The following AKAP6 variants were observed in gnomAD, a reference collection of about 807,000 sequenced individuals.
The protein encoded by AKAP6 is A-kinase anchor protein 6.
A neutral mutation model predicts 188.5 loss-of-function variants in AKAP6; 58 were observed. The observed-to-expected ratio is 0.31, with a 90% CI of 0.25 to 0.38. AKAP6 has a LOEUF of 0.38. Among genes scored for constraint, AKAP6 ranks in the 10% least tolerant of loss-of-function variants. The pLI is 1.00. For synonymous variants in AKAP6, 989 were observed against 998.6 expected (o/e 0.99, Z 0.18); for missense variants, 2,710 against 2,740.0 (o/e 0.99, Z 0.24).
intron 2 of AKAP6, among the ~76,000 whole-genome samples, chr14:32,452,332 C>A (rs1202183996): frequency 6.6e-6 from 1 of 152,148 alleles, no homozygotes; most frequent in East Asian, 1.9e-4. Flanking sequence ...CCATGCCCAG[C>A]CTATGCTATA....
At chr14:32,432,885 G>A (rs1207630827) in intron 1 of AKAP6, among the ~76,000 whole-genome samples, 2 of 152,138 alleles carry the variant, frequency 1.3e-5, no homozygotes, top group East Asian at 3.9e-4. Flanking sequence ...GTATCAAGTG[G>A]AACCCGTGTT....
chr14:32,567,274 G>A (rs1884236714), intron 4 of AKAP6, among the ~76,000 whole-genome samples: 2 of 152,174 alleles, frequency 1.3e-5, no homozygotes, highest in Non-Finnish European at 2.9e-5. Context: ...AGGGAGCTTT[G>A]AACTAGATTA....
At chr14:32,556,389 C>G (rs941213809) in intron 4 of AKAP6, among the ~76,000 whole-genome samples, 1 of 152,128 alleles carries the variant, frequency 6.6e-6, no homozygotes, top group South Asian at 2.1e-4. Flanking sequence ...GTCACCTAGC[C>G]TGGAGTGCAG....
At chr14:32,600,549 C>A in intron 6 of AKAP6, 80 bp from the exon 7 acceptor site, 3 of 1,346,406 alleles carry the variant, frequency 2.2e-6, no homozygotes, top group Non-Finnish European at 3.0e-6. Context: ...TTAAAATAGC[C>A]ATCTAATTTA....
intron 11 of AKAP6, among the ~76,000 whole-genome samples, chr14:32,751,646 A>C (rs958387954): frequency 1.3e-5 from 2 of 151,110 alleles, no homozygotes; most frequent in Admixed American, 1.3e-4. Flanking sequence ...TGCTCTGCGC[A>C]TATTGAATCT....
intron 10 of AKAP6, 47 bp downstream of exon 10, chr14:32,732,647 G>A: frequency 6.3e-7 from 1 of 1,593,514 alleles, no homozygotes; most frequent in Non-Finnish European, 8.6e-7. Context: ...TACATTTTTT[G>A]CGTAGTGAAG....
intron 9 of AKAP6, among the ~76,000 whole-genome samples, chr14:32,728,874 T>G (rs1039010211): frequency 1.3e-5 from 2 of 152,160 alleles, no homozygotes; most frequent in Non-Finnish European, 2.9e-5. Context: ...CCAGGGAGCT[T>G]TGGGGGCAAG....
intron 1 of AKAP6, among the ~76,000 whole-genome samples, chr14:32,403,998 T>A (rs1299769868): frequency 1.3e-5 from 2 of 152,216 alleles, no homozygotes; most frequent in Non-Finnish European, 2.9e-5. Flanking sequence ...CATTTTGAAA[T>A]CAAGTTCTCA....
chr14:32,554,032 C>T (rs768800508), intron 4 of AKAP6, among the ~76,000 whole-genome samples: 10 of 152,192 alleles, frequency 6.6e-5, no homozygotes, highest in Non-Finnish European at 1.5e-4. Flanking sequence ...ATATCTGGAA[C>T]AGATGAAATC....
At chr14:32,571,495 A>G (rs1229062510) in intron 4 of AKAP6, among the ~76,000 whole-genome samples, 8 of 152,188 alleles carry the variant, frequency 5.3e-5, no homozygotes, top group Admixed American at 3.9e-4. Flanking sequence ...ATGCCGCTGC[A>G]CTCTAGCCTT....
intron 12 of AKAP6, among the ~76,000 whole-genome samples, chr14:32,808,827 G>T (rs560376952): frequency 6.6e-6 from 1 of 152,138 alleles, no homozygotes; most frequent in Non-Finnish European, 1.5e-5. Context: ...TTGGTGTGCA[G>T]TAATATGTAA....
intron 11 of AKAP6, among the ~76,000 whole-genome samples, chr14:32,749,723 A>G (rs2032053003): frequency 6.6e-6 from 1 of 152,232 alleles, no homozygotes; most frequent in Admixed American, 6.5e-5. Flanking sequence ...AAATGTACAG[A>G]TCTATAAGAT....
chr14:32,723,872 G>T (rs2030700858), intron 9 of AKAP6, among the ~76,000 whole-genome samples: 1 of 152,170 alleles, frequency 6.6e-6, no homozygotes, highest in Non-Finnish European at 1.5e-5. Context: ...ATTTATCCTT[G>T]CCCTACTCAA....
rs1317397698 is a variant in AKAP6 at position 32,834,698 on chromosome 14, G to A, written c.*4893G>A. ...GTTGTTTTCTCATTGTTAAACTCAG[G>A]GTAAACTTTTTTTTGTCAAGTAAAT... On this transcript the variant is annotated 3_prime_UTR_variant, in exon 14 of 14. Coordinates refer to ENST00000280979, the MANE Select transcript of AKAP6 (RefSeq NM_004274.5). 2 of 151,718 alleles carry A rather than the reference G, an allele frequency of 1.3e-5. No homozygotes were observed. The highest frequency in any genetic ancestry group is 3.9e-4 in the East Asian group (2 of 5,176). 9.4% of individuals were successfully genotyped at this position (151,718 alleles called of 1,614,324 possible).
chr14:32,415,605 G>T (rs914835995), intron 1 of AKAP6, among the ~76,000 whole-genome samples: 1 of 151,968 alleles, frequency 6.6e-6, no homozygotes, highest in African/African-American at 2.4e-5. Context: ...TCATCGTATC[G>T]TGCAGCCATC....
chr14:32,657,814 A>G (rs1205355816), intron 7 of AKAP6, among the ~76,000 whole-genome samples: 1 of 147,222 alleles, frequency 6.8e-6, no homozygotes, highest in Admixed American at 6.8e-5. Context: ...CCATATAATG[A>G]TGATGCTGTT....
At chr14:32,555,092 G>A (rs891833915) in intron 4 of AKAP6, among the ~76,000 whole-genome samples, 4 of 152,060 alleles carry the variant, frequency 2.6e-5, no homozygotes, top group African/African-American at 4.8e-5. Context: ...AAACTTCTTC[G>A]GTGCCAGCTA....
At chr14:32,715,081 GA>G (rs1419544407) in intron 9 of AKAP6, among the ~76,000 whole-genome samples, 3 of 151,812 alleles carry the variant, frequency 2.0e-5, no homozygotes, top group Admixed American at 1.3e-4. Flanking sequence ...TTTGCTTGAG[GA>G]AAAAATGATT....
intron 2 of AKAP6, among the ~76,000 whole-genome samples, chr14:32,499,710 A>G (rs1444116612): frequency 6.6e-6 from 1 of 151,724 alleles, no homozygotes; most frequent in Non-Finnish European, 1.5e-5. Context: ...TATCATTGGT[A>G]TGTATTATAA....
Sources: gnomAD v4.1 joint callset for allele counts (sites outside exome capture counted in the v4.1 genomes callset) on GRCh38, gnomAD v4.1.1 for gene constraint, MANE v1.5 for transcripts, NCBI Gene and HGNC (gene_info 2026-07-23, HGNC 2026-07-21) for gene names.